Variants in CCDC178 observed in about 807,000 individuals in gnomAD.
The protein encoded by CCDC178 is coiled-coil domain containing 178, also known as coiled-coil domain-containing protein 178.
Under a neutral mutation model 117.4 loss-of-function variants are expected in CCDC178, and 126 were observed. The ratio of observed to expected loss-of-function variants is 1.07; its 90% CI spans 0.93 to 1.24. CCDC178 has a LOEUF of 1.24. Among genes scored for constraint, CCDC178 ranks in the 50% most tolerant of loss-of-function variants. The pLI, the probability that CCDC178 is intolerant of heterozygous loss-of-function variation, is 0.00. For synonymous variants in CCDC178, 283 were observed against 313.4 expected, an observed-to-expected ratio of 0.90 and a Z score of 1.02; for missense variants, 1,030 against 986.9, an observed-to-expected ratio of 1.04 and a Z score of -0.59.
At chr18:32,954,196 C>T (rs2054547613) in intron 22 of CCDC178, 1 of 152,052 alleles carries the variant, frequency 6.6e-6, no homozygotes, top group South Asian at 2.1e-4. Context: ...CAGATTATTT[C>T]CTGAATACTA....
chr18:32,964,616 T>C (rs964985972), intron 22 of CCDC178, among the ~76,000 whole-genome samples: 1 of 151,982 alleles, frequency 6.6e-6, no homozygotes, highest in Non-Finnish European at 1.5e-5. Flanking sequence ...ACATTGTATA[T>C]ACATCATCTC....
At chr18:33,343,104 C>A (rs1469770447) in intron 9 of CCDC178, among the ~76,000 whole-genome samples, 1 of 151,948 alleles carries the variant, frequency 6.6e-6, no homozygotes, top group Admixed American at 6.6e-5. Context: ...GAAACCAGAG[C>A]TGTGATTTTT....
chr18:33,357,402 C>T (rs1158970730), intron 6 of CCDC178, among the ~76,000 whole-genome samples: 1 of 152,128 alleles, frequency 6.6e-6, no homozygotes, highest in African/African-American at 2.4e-5. Context: ...TTAACCCCAC[C>T]TAATTGTTCT....
rs573230410 is a variant in CCDC178 at position 33,330,871 on chromosome 18, A to C, written c.879+2303T>G. 2.6e-5 allele frequency among the ~76,000 whole-genome samples: 4 copies of C among 152,198 alleles called. 1 individual carries two copies. The South Asian group carries it at 8.3e-4, about 32-fold the overall frequency. On this transcript the variant is annotated intron_variant, in intron 10 of 22. Transcript: ENST00000383096. ...TGGAGAATAATATGTTTTACTCTAA[A>C]TCTACCAATTCAAATGTGAATCTCG...
rs1366288604 is a variant in CCDC178 at position 33,241,462 on chromosome 18, GTGTGTGT to G, written c.1593+3776_1593+3782del. 7.4e-5 allele frequency among the ~76,000 whole-genome samples: 11 copies of G among 148,340 alleles called. No individual in the cohort carries two copies. In the East Asian group the frequency reaches 1.6e-3, roughly 21 times the overall value. On this transcript the variant is annotated intron_variant, in intron 15 of 22. Transcript: ENST00000383096. ...TGTGTGTGTGTGTGTGTGTGTGTGT[GTGTGTGT>G]AGAGAGAGACTCTACCAAAAAAATT...
At chr18:33,249,191 C>T (rs996379060) in intron 14 of CCDC178, among the ~76,000 whole-genome samples, 4 of 152,006 alleles carry the variant, frequency 2.6e-5, no homozygotes, top group Admixed American at 6.6e-5. Context: ...GAGTAGATTG[C>T]AAAAATTTTC....
chr18:33,228,017 G>A lies in CCDC178; in HGVS notation c.1594-1162C>T, dbSNP rs1440263320. ...AAATTCAAAATGGCTTTGTAGACTG[G>A]AGAAAAATATATCATATTCCAAAAT... On this transcript the variant is annotated intron_variant, in intron 15 of 22. Transcript: ENST00000383096. 1.3e-5 allele frequency among the ~76,000 whole-genome samples: 2 copies of A among 152,100 alleles called. 1 individual carries two copies. Among genetic ancestry groups the A allele is most frequent in the South Asian group, 4.1e-4 (2 of 4,830 alleles).
intron 15 of CCDC178, among the ~76,000 whole-genome samples, chr18:33,230,388 C>T (rs1360663299): frequency 6.6e-6 from 1 of 152,152 alleles, no homozygotes; most frequent in African/African-American, 2.4e-5. Context: ...CATGTATCAG[C>T]ACCAGGACTG....
chr18:33,346,926 C>G (rs2062902551), intron 8 of CCDC178, among the ~76,000 whole-genome samples: 1 of 152,180 alleles, frequency 6.6e-6, no homozygotes, highest in African/African-American at 2.4e-5. Context: ...AGTTGTAATA[C>G]TAAATTAATC....
At chr18:33,056,539 G>A (rs2144945517) in intron 21 of CCDC178, among the ~76,000 whole-genome samples, 1 of 151,990 alleles carries the variant, frequency 6.6e-6, no homozygotes, top group East Asian at 1.9e-4. Context: ...TCTGGAAGAT[G>A]GGGAAAATGG....
rs112272155 is a variant in CCDC178 at position 32,945,758 on chromosome 18, T to G, written c.2524-7667A>C. On this transcript the variant is annotated intron_variant, in intron 22 of 22. Transcript: ENST00000383096. Reference sequence around the variant, plus strand: ...GAGCAGATCTCGTATTGCTGATGTTTGTGTCTTGTTTTTACCATGTTCATG... The same window carrying G: ...GAGCAGATCTCGTATTGCTGATGTTGGTGTCTTGTTTTTACCATGTTCATG... Among the ~76,000 whole-genome samples the G allele has an allele frequency of 2.3e-3, 353 of 152,246 alleles. 1 individual carries two copies. The highest frequency in any genetic ancestry group is 7.2e-3 in the African/African-American group (298 of 41,550).
intron 3 of CCDC178, among the ~76,000 whole-genome samples, chr18:33,404,785 G>A (rs920008139): frequency 1.3e-5 from 2 of 151,972 alleles, no homozygotes; most frequent in Non-Finnish European, 2.9e-5. Flanking sequence ...TCATACAAAG[G>A]AATTAAATAT....
At chr18:33,140,894 G>A (rs2144296974) in intron 20 of CCDC178, among the ~76,000 whole-genome samples, 1 of 152,290 alleles carries the variant, frequency 6.6e-6, no homozygotes, top group South Asian at 2.1e-4. Context: ...CAATTCCCAA[G>A]TGTCATGGGA....
chr18:33,210,493 G>T (rs928255122), intron 20 of CCDC178, among the ~76,000 whole-genome samples: 23 of 151,958 alleles, frequency 1.5e-4, no homozygotes, highest in African/African-American at 5.6e-4. Context: ...AATTATTATT[G>T]TTCCATTATA....
At chr18:33,236,561 AAAC>A (rs1599035475) in intron 15 of CCDC178, among the ~76,000 whole-genome samples, 1 of 152,174 alleles carries the variant, frequency 6.6e-6, no homozygotes, top group Admixed American at 6.5e-5. Flanking sequence ...TGAGGTAAGG[AAAC>A]AACATGATGA....
chr18:33,191,918 A>G (rs955382083), intron 20 of CCDC178, among the ~76,000 whole-genome samples: 16 of 152,198 alleles, frequency 1.1e-4, no homozygotes, highest in African/African-American at 3.6e-4. Flanking sequence ...TGATTATCTT[A>G]ATTTCCAAAG....
intron 22 of CCDC178, among the ~76,000 whole-genome samples, chr18:32,938,919 A>G (rs1207244278): frequency 6.6e-6 from 1 of 152,122 alleles, no homozygotes; most frequent in Admixed American, 6.6e-5. Flanking sequence ...GATTTTCAAT[A>G]TTGGTTTGGT....
chr18:33,177,823 T>C (rs1010058135), intron 20 of CCDC178, among the ~76,000 whole-genome samples: 2 of 152,212 alleles, frequency 1.3e-5, no homozygotes, highest in African/African-American at 2.4e-5. Context: ...ATTTGACATG[T>C]TTGACTACTC....
intron 7 of CCDC178, 90 bp from the exon 8 acceptor site, chr18:33,349,065 A>G: frequency 1.4e-6 from 1 of 733,138 alleles, no homozygotes; most frequent in South Asian, 1.9e-5. Context: ...AATTTTAAAT[A>G]TTTGTGGTGA....
Sources: gnomAD v4.1 joint callset for allele counts (sites outside exome capture counted in the v4.1 genomes callset) on GRCh38, gnomAD v4.1.1 for gene constraint, MANE v1.5 for transcripts, NCBI Gene and HGNC (gene_info 2026-07-23, HGNC 2026-07-21) for gene names.